The following PRKD1 variants were observed in gnomAD, a reference collection of about 807,000 sequenced individuals.
The protein encoded by PRKD1 is serine/threonine-protein kinase D1.
Under a neutral mutation model 95.9 loss-of-function variants are expected in PRKD1, and 63 were observed. The ratio of observed to expected loss-of-function variants is 0.66; its 90% confidence interval spans 0.54 to 0.81. PRKD1 has a LOEUF of 0.81. Among genes scored for constraint, PRKD1 ranks in the 30% least tolerant of loss-of-function variants. PRKD1 has a pLI of 0.00. For missense variants in PRKD1, 1,048 were observed against 1,165.3 expected, an observed-to-expected ratio of 0.90 and a Z score of 1.47; for synonymous variants, 425 against 423.1, an observed-to-expected ratio of 1.00 and a Z score of -0.05.
chr14:29,875,692 A>G (rs1893262654), intron 1 of PRKD1, among the ~76,000 whole-genome samples: 1 of 152,230 alleles, frequency 6.6e-6, no homozygotes. Flanking sequence ...CATTTAAACA[A>G]CATTGTAAGT....
chr14:29,825,349 TGAC>T (rs957285363), intron 1 of PRKD1, among the ~76,000 whole-genome samples: 12 of 152,148 alleles, frequency 7.9e-5, no homozygotes, highest in African/African-American at 2.9e-4. Context: ...AGCTGACACT[TGAC>T]AGACTTTAAG....
intron 8 of PRKD1, among the ~76,000 whole-genome samples, chr14:29,633,450 A>G (rs191162174): frequency 2.0e-5 from 3 of 152,326 alleles, no homozygotes; most frequent in Admixed American, 1.3e-4. Context: ...TTGTTGGACA[A>G]TAAGTTTGAC....
chr14:29,688,654 A>G (rs1313962355), intron 2 of PRKD1, among the ~76,000 whole-genome samples: 1 of 152,124 alleles, frequency 6.6e-6, no homozygotes, highest in African/African-American at 2.4e-5. Context: ...TTAAAACCCG[A>G]GGCATGATGG....
intron 1 of PRKD1, among the ~76,000 whole-genome samples, chr14:29,879,061 G>A (rs980819725): frequency 2.6e-5 from 4 of 152,012 alleles, no homozygotes; most frequent in Admixed American, 6.6e-5. Flanking sequence ...CAATCTTCAC[G>A]TCTGCTCTAG....
At chr14:29,647,437 A>C (rs79715141) in intron 4 of PRKD1, among the ~76,000 whole-genome samples, 132 of 152,330 alleles carry the variant, frequency 8.7e-4, no homozygotes, top group African/African-American at 3.0e-3. Context: ...CATGTCAACA[A>C]CTTCCATTTT....
At chr14:29,751,839 C>A (rs532727645) in intron 1 of PRKD1, among the ~76,000 whole-genome samples, 2 of 152,164 alleles carry the variant, frequency 1.3e-5, no homozygotes, top group African/African-American at 4.8e-5. Context: ...AAAAGCTCCA[C>A]GGATTAGGTT....
intron 1 of PRKD1, among the ~76,000 whole-genome samples, chr14:29,754,080 C>G (rs1019912776): frequency 6.6e-6 from 1 of 152,112 alleles, no homozygotes; most frequent in Non-Finnish European, 1.5e-5. Context: ...AACTCTTTGC[C>G]AACATTGGCT....
chr14:29,710,574 C>G (rs553825462), intron 2 of PRKD1, among the ~76,000 whole-genome samples: 20 of 152,034 alleles, frequency 1.3e-4, no homozygotes, highest in Non-Finnish European at 2.4e-4. Context: ...GACCAGACCC[C>G]CAACAGAGCA....
Position 29,576,522 on chromosome 14 carries a change from G to T in PRKD1, c.*716C>A, listed in dbSNP as rs764488158. ...TTATTATTGAAAAATACACAAAGGT[G>T]AAAGGTTGCTGAGCAGCTGATTTTC... On this transcript the variant is annotated 3_prime_UTR_variant, in exon 18 of 18. Coordinates refer to ENST00000331968, the MANE Select transcript of PRKD1 (RefSeq NM_002742.3). The T allele has an allele frequency of 6.6e-6, 1 of 152,660 alleles. No individual in the cohort carries two copies. The highest frequency in any genetic ancestry group is 1.5e-5 in the Non-Finnish European group (1 of 68,086). 9.5% of individuals were successfully genotyped at this position (152,660 alleles called of 1,614,324 possible).
intron 1 of PRKD1, among the ~76,000 whole-genome samples, chr14:29,837,874 G>A (rs1427719488): frequency 6.6e-6 from 1 of 152,158 alleles, no homozygotes; most frequent in Non-Finnish European, 1.5e-5. Flanking sequence ...AAGCATTGCT[G>A]TAAAAAGCTT....
chr14:29,896,568 G>T (rs1036417764), intron 1 of PRKD1, among the ~76,000 whole-genome samples: 2 of 152,118 alleles, frequency 1.3e-5, no homozygotes, highest in African/African-American at 4.8e-5. Context: ...ATCTTAGATT[G>T]TAAAGCTGGG....
At chr14:29,703,464 T>C (rs1448626945) in intron 2 of PRKD1, among the ~76,000 whole-genome samples, 1 of 152,204 alleles carries the variant, frequency 6.6e-6, no homozygotes, top group African/African-American at 2.4e-5. Flanking sequence ...ATGATTGTAG[T>C]ATTAGATGTT....
intron 2 of PRKD1, among the ~76,000 whole-genome samples, chr14:29,701,154 T>C (rs1884824332): frequency 6.6e-6 from 1 of 152,212 alleles, no homozygotes; most frequent in Non-Finnish European, 1.5e-5. Flanking sequence ...TCTTTTCATT[T>C]TGAACTTCCT....
chr14:29,824,712 C>T (rs1379154750), intron 1 of PRKD1, among the ~76,000 whole-genome samples: 1 of 152,142 alleles, frequency 6.6e-6, no homozygotes, highest in Non-Finnish European at 1.5e-5. Flanking sequence ...ACTATTCTAT[C>T]AGATACCCTG....
chr14:29,819,614 C>T (rs767776404), intron 1 of PRKD1, among the ~76,000 whole-genome samples: 13 of 152,032 alleles, frequency 8.6e-5, no homozygotes, highest in East Asian at 1.9e-4. Context: ...GGCATGAACC[C>T]GGCAGGCAGA....
chr14:29,779,560 C>T (rs1169555805), intron 1 of PRKD1, among the ~76,000 whole-genome samples: 1 of 152,032 alleles, frequency 6.6e-6, no homozygotes, highest in Non-Finnish European at 1.5e-5. Context: ...GAATAAAATA[C>T]CTAGGAATCC....
chr14:29,811,201 GC>G (rs1890469435), intron 1 of PRKD1, among the ~76,000 whole-genome samples: 1 of 152,170 alleles, frequency 6.6e-6, no homozygotes, highest in Non-Finnish European at 1.5e-5. Context: ...CCCTCAACCT[GC>G]CATGGTGTTA....
At chr14:29,922,004 TA>T (rs1433653027) in intron 1 of PRKD1, among the ~76,000 whole-genome samples, 18 of 152,310 alleles carry the variant, frequency 1.2e-4, no homozygotes, top group Non-Finnish European at 1.9e-4. Flanking sequence ...ATACCTGTTT[TA>T]AAAAGGTTTA....
chr14:29,876,622 A>AAAATGGGC (rs1183729757), intron 1 of PRKD1, among the ~76,000 whole-genome samples: 1 of 152,076 alleles, frequency 6.6e-6, no homozygotes. Flanking sequence ...GACAATGCCT[A>AAAATGGGC]AAATGGGCTT....
Sources: gnomAD v4.1 joint callset for allele counts (sites outside exome capture counted in the v4.1 genomes callset) on GRCh38, gnomAD v4.1.1 for gene constraint, MANE v1.5 for transcripts, NCBI Gene and HGNC (gene_info 2026-07-23, HGNC 2026-07-21) for gene names.